Variants in CCDC85C observed in about 807,000 individuals in gnomAD.
The protein encoded by CCDC85C is coiled-coil domain containing 85C, also known as coiled-coil domain-containing protein 85C.
In CCDC85C, 18 loss-of-function variants were observed where a neutral mutation model predicts 38.3. The observed-to-expected ratio is 0.47, with a 90% CI of 0.33 to 0.70. The LOEUF (loss-of-function observed/expected upper bound fraction) is 0.70, where lower values mean the gene tolerates loss of function less well. Ranked by LOEUF, CCDC85C falls within the 30% of genes least tolerant of loss-of-function variation. The probability of loss-of-function intolerance (pLI) is 0.03; values close to 1 mark genes in which losing one functional copy is unlikely to be tolerated. For synonymous variants in CCDC85C, 264 were observed against 293.8 expected, an observed-to-expected ratio of 0.90 and a Z score of 1.04; for missense variants, 566 against 621.2, an observed-to-expected ratio of 0.91 and a Z score of 0.94.
At chr14:99,600,841 T>A (rs1402640556) in intron 1 of CCDC85C, among the ~76,000 whole-genome samples, 44 of 152,136 alleles carry the variant, frequency 2.9e-4, no homozygotes, top group Admixed American at 2.9e-3. Flanking sequence ...TTTGCTCAAT[T>A]TAAAGTTACA....
In CCDC85C at chr14:99,511,008, G is replaced by A. The variant is rs1897117876; in HGVS notation, c.*4238C>T. Reference sequence around the variant, plus strand: ...ATCAGTGCCCTTGCAGTCTGACTGTGTACACTTGGTTCAGCTAATGTCTGA... The same window carrying A: ...ATCAGTGCCCTTGCAGTCTGACTGTATACACTTGGTTCAGCTAATGTCTGA... On this transcript the variant is annotated 3_prime_UTR_variant, in exon 6 of 6. Coordinates refer to ENST00000380243, the MANE Select transcript of CCDC85C (RefSeq NM_001144995.2). 1 of 372,948 alleles carries A rather than the reference G, an allele frequency of 2.7e-6. No individual in the cohort carries two copies. Among genetic ancestry groups the A allele is most frequent in the Non-Finnish European group, 4.7e-6 (1 of 210,752 alleles). The allele number at this position is 372,948 out of a possible 1,614,324, so 23.1% of individuals were successfully genotyped here. A position where few individuals can be genotyped will look rare whatever the true frequency, so the allele number is the denominator to read the frequency against.
At chr14:99,577,780 TCC>T (rs1468825273) in intron 1 of CCDC85C, among the ~76,000 whole-genome samples, 1 of 134,862 alleles carries the variant, frequency 7.4e-6, no homozygotes, top group Admixed American at 7.4e-5. Flanking sequence ...ATACAGCCCG[TCC>T]TGTATCCCCC....
intron 1 of CCDC85C, among the ~76,000 whole-genome samples, chr14:99,574,348 A>T (rs971717057): frequency 6.6e-6 from 1 of 151,872 alleles, no homozygotes; most frequent in Non-Finnish European, 1.5e-5. Flanking sequence ...TCCTTCCTGG[A>T]TTGGAAGACA....
chr14:99,589,750 T>A (rs1376190709), intron 1 of CCDC85C, among the ~76,000 whole-genome samples: 3 of 152,196 alleles, frequency 2.0e-5, no homozygotes, highest in East Asian at 3.9e-4. Flanking sequence ...GGGGCTGCTA[T>A]GGGGCCATGG....
chr14:99,602,823 C>A (rs930504760), intron 1 of CCDC85C, among the ~76,000 whole-genome samples: 2 of 152,242 alleles, frequency 1.3e-5, no homozygotes, highest in African/African-American at 4.8e-5. Flanking sequence ...CTTCCCGCTA[C>A]TAGGCAAGGA....
At chr14:99,524,648 A>G (rs1897349501) in intron 2 of CCDC85C, among the ~76,000 whole-genome samples, 1 of 152,220 alleles carries the variant, frequency 6.6e-6, no homozygotes, top group Non-Finnish European at 1.5e-5. Context: ...ATGAGTAACC[A>G]TTATTGCACT....
rs1897586375 is a variant in CCDC85C at position 99,535,871 on chromosome 14, C to G, written c.867+144G>C. 1.5e-6 allele frequency: 1 copy of G among 668,668 alleles called. No homozygotes were observed. Among genetic ancestry groups the G allele is most frequent in the Admixed American group, 2.2e-5 (1 of 45,012 alleles). 41.4% of individuals were successfully genotyped at this position (668,668 alleles called of 1,614,324 possible). A position where few individuals can be genotyped will look rare whatever the true frequency, so the allele number is the denominator to read the frequency against. ...GTGGGAGCCAGGGTTAGGTCCCTGA[C>G]CCCACTTTCCAGGAGGTGACAGGTG... On this transcript the variant is annotated intron_variant, in intron 2 of 5. Transcript: ENST00000380243. The surrounding 1 kb of genome is among the most constrained non-coding windows in gnomAD (Gnocchi z 5.5).
intron 1 of CCDC85C, among the ~76,000 whole-genome samples, chr14:99,566,359 A>G (rs1382488054): frequency 6.6e-6 from 1 of 152,192 alleles, no homozygotes; most frequent in Non-Finnish European, 1.5e-5. Flanking sequence ...GAAGCTCTGG[A>G]CAGTGCTGTA....
chr14:99,579,079 G>A (rs1383095062), intron 1 of CCDC85C, among the ~76,000 whole-genome samples: 1 of 152,246 alleles, frequency 6.6e-6, no homozygotes, highest in Non-Finnish European at 1.5e-5. Flanking sequence ...GAGCCCAAGA[G>A]AGGTGCTCAG....
chr14:99,595,969 A>C (rs1263150553), intron 1 of CCDC85C, among the ~76,000 whole-genome samples: 1 of 152,258 alleles, frequency 6.6e-6, no homozygotes, highest in Non-Finnish European at 1.5e-5. Context: ...GCTGGGAGTC[A>C]AGAGGACCAG....
chr14:99,519,392 T>C (rs1465278835), intron 3 of CCDC85C, among the ~76,000 whole-genome samples: 3 of 151,600 alleles, frequency 2.0e-5, no homozygotes, highest in African/African-American at 7.3e-5. Flanking sequence ...GATGGGATTA[T>C]AGGCGTGAGC....
At chr14:99,515,730 T>G (rs1187492081) in intron 5 of CCDC85C, among the ~76,000 whole-genome samples, 1 of 152,032 alleles carries the variant, frequency 6.6e-6, no homozygotes, top group Non-Finnish European at 1.5e-5. Flanking sequence ...CTCAGCTGGG[T>G]CGAGCACGGA....
Position 99,506,225 on chromosome 14 carries a change from AAG to A in CCDC85C, c.*9019_*9020del, listed in dbSNP as rs1896971883. 6.6e-6 allele frequency: 1 copy of A among 152,318 alleles called. No individual in the cohort carries two copies. Among genetic ancestry groups the A allele is most frequent in the African/African-American group, 2.4e-5 (1 of 41,470 alleles). The allele number at this position is 152,318 out of a possible 1,614,324, so 9.4% of individuals were successfully genotyped here. On this transcript the variant is annotated 3_prime_UTR_variant, in exon 6 of 6. Coordinates refer to ENST00000380243, the MANE Select transcript of CCDC85C (RefSeq NM_001144995.2). ...ATTTGAGATGGAGGAAATCCAGAGA[AAG>A]AGGCCAGTGATGGCAGAGGAGACTC...
At chr14:99,570,047 G>A (rs1898304009) in intron 1 of CCDC85C, among the ~76,000 whole-genome samples, 1 of 152,056 alleles carries the variant, frequency 6.6e-6, no homozygotes, top group Non-Finnish European at 1.5e-5. Context: ...GTGGGGACAG[G>A]GAGGACTCCA....
rs12891677 is a variant in CCDC85C, at chr14:99,588,660, C to T, written c.793+14507G>A. On this transcript the variant is annotated intron_variant, in intron 1 of 5. Coordinates refer to ENST00000380243, the MANE Select transcript of CCDC85C (RefSeq NM_001144995.2). The surrounding 1 kb of genome is among the most constrained non-coding windows in gnomAD (Gnocchi z 5.0). ...GGGTCCCCTGGCTGCCCTTTCTGGT[C>T]TGGGGTCAGGTCATTCCCCCACCCG... 0.11 allele frequency among the ~76,000 whole-genome samples: 17,401 copies of T among 152,080 alleles called. 1,278 individuals carry two copies. The highest frequency in any genetic ancestry group is 0.16 in the Non-Finnish European group (10,682 of 67,990).
chr14:99,592,984 T>C (rs1001459631), intron 1 of CCDC85C, among the ~76,000 whole-genome samples: 1 of 151,650 alleles, frequency 6.6e-6, no homozygotes, highest in African/African-American at 2.4e-5. Context: ...GGTGGCTGGG[T>C]GGGGGGAGCG....
chr14:99,566,182 T>C (rs1898212014), intron 1 of CCDC85C, among the ~76,000 whole-genome samples: 1 of 152,140 alleles, frequency 6.6e-6, no homozygotes, highest in South Asian at 2.1e-4. Flanking sequence ...AACTGGTCTT[T>C]CCTGACCACC....
chr14:99,578,478 G>T (rs1287219778), intron 1 of CCDC85C, among the ~76,000 whole-genome samples: 1 of 152,088 alleles, frequency 6.6e-6, no homozygotes, highest in East Asian at 1.9e-4. Context: ...GTAGTGATGT[G>T]GTTGCTTATT....
At chr14:99,529,550 C>T (rs998236861) in intron 2 of CCDC85C, among the ~76,000 whole-genome samples, 1 of 152,142 alleles carries the variant, frequency 6.6e-6, no homozygotes, top group Non-Finnish European at 1.5e-5. Context: ...TTACAGGTGC[C>T]GGCCACCATG....
Sources: allele counts gnomAD v4.1 joint callset (sites outside exome capture counted in the v4.1 genomes callset), GRCh38; gene constraint gnomAD v4.1.1; non-coding constraint Gnocchi (gnomAD v3.1); transcripts MANE v1.5; gene names NCBI Gene and HGNC (gene_info 2026-07-23, HGNC 2026-07-21).